OR52A5: variants seen among roughly 807,000 people sequenced by gnomAD.
OR52A5 encodes the protein olfactory receptor 52A5.
A neutral mutation model predicts 18.2 loss-of-function variants in OR52A5; 16 were observed. The observed-to-expected ratio is 0.88, with a 90% CI of 0.60 to 1.34. The LOEUF is 1.34. Among genes scored for constraint, OR52A5 ranks in the 40% most tolerant of loss-of-function variants. OR52A5 has a pLI of 0.00. For missense variants in OR52A5, 418 were observed against 383.0 expected (o/e 1.09, Z -0.76); for synonymous variants, 140 against 137.2 (o/e 1.02, Z -0.14).
chr11:5,134,843 A>G (rs1436583637), intron 1 of OR52A5, among the ~76,000 whole-genome samples: 1 of 152,006 alleles, frequency 6.6e-6, no homozygotes, highest in Non-Finnish European at 1.5e-5. Context: ...AAAGAACAAA[A>G]TATGCAAATT....
intron 1 of OR52A5, among the ~76,000 whole-genome samples, chr11:5,133,339 G>A (rs1308111802): frequency 8.0e-6 from 1 of 125,308 alleles, no homozygotes; most frequent in Non-Finnish European, 1.6e-5. Flanking sequence ...CTGCACTCCA[G>A]CCTGGACGAC....
intron 1 of OR52A5, among the ~76,000 whole-genome samples, chr11:5,136,932 T>A (rs1326940464): frequency 6.6e-6 from 1 of 152,232 alleles, no homozygotes; most frequent in African/African-American, 2.4e-5. Context: ...CTTTTAAAAA[T>A]TCTATCTGCT....
intron 1 of OR52A5, among the ~76,000 whole-genome samples, chr11:5,137,493 C>T (rs554020365): frequency 6.6e-6 from 1 of 151,974 alleles, no homozygotes; most frequent in Admixed American, 6.6e-5. Context: ...CTTCCCATGA[C>T]AGAAAACTCT....
At position 5,131,067 on chromosome 11, in the gene OR52A5, GTTTACTCTGTTCA is replaced by G. The variant is rs1846332305; in HGVS notation, c.*612_*624del. On this transcript the variant is annotated 3_prime_UTR_variant, in exon 2 of 2. Transcript: ENST00000307388. ...TACCATTAATTGACACAAAGAAAAT[GTTTACTCTGTTCA>G]TTATTCAATGTCATTTTTACTTAGA... The G allele has an allele frequency of 2.0e-5, 3 of 152,052 alleles. No homozygotes were observed. Among genetic ancestry groups the G allele is most frequent in the African/African-American group, 7.2e-5 (3 of 41,412 alleles). The allele number at this position is 152,052 out of a possible 1,614,324, so 9.4% of individuals were successfully genotyped here. A position where few individuals can be genotyped will look rare whatever the true frequency, so the allele number is the denominator to read the frequency against.
At chr11:5,137,053 G>C (rs117238315) in intron 1 of OR52A5, among the ~76,000 whole-genome samples, 2 of 152,190 alleles carry the variant, frequency 1.3e-5, no homozygotes, top group Non-Finnish European at 2.9e-5. Context: ...TGTGACAATA[G>C]TGAAGGATTA....
chr11:5,131,828 G>C lies in OR52A5; in HGVS notation c.815C>G (p.Pro272Arg). Residue 272 changes from proline (P) to arginine (R), a missense_variant, in exon 2 of 2, where the codon CCA becomes CGA. Physicochemically the swap from Pro to Arg is moderately radical, Grantham distance 103. Transcript: ENST00000307388. Reference sequence around the variant, plus strand: ...TGACAAGAGGATATGAATATATGGTGGTATGTGTGAACCAAACCTGTGTGT... The same window carrying C: ...TGACAAGAGGATATGAATATATGGTCGTATGTGTGAACCAAACCTGTGTGT... ...FFTHRFGSHI[P>R]PYIHILLSNL... is the part of the protein sequence containing the mutation. The C allele has an allele frequency of 6.2e-7, 1 of 1,613,898 alleles. No homozygotes were observed. Among genetic ancestry groups the C allele is most frequent in the Non-Finnish European group, 8.5e-7 (1 of 1,179,808 alleles).
intron 1 of OR52A5, chr11:5,138,094 AAT>A (rs1846408038): frequency 6.6e-6 from 1 of 152,210 alleles, no homozygotes; most frequent in Non-Finnish European, 1.5e-5. Flanking sequence ...CTCACTTTAA[AAT>A]ATGTCACCCA....
intron 1 of OR52A5, 22 bp from the exon 2 acceptor site, chr11:5,132,724 A>G (rs1564849618): frequency 6.0e-6 from 5 of 838,334 alleles, no homozygotes; most frequent in Non-Finnish European, 9.1e-6. Context: ...AAAAATTAAA[A>G]ATATGTTAAT....
chr11:5,132,872 C>T (rs1005680066), intron 1 of OR52A5, among the ~76,000 whole-genome samples, 170 bp from the exon 2 acceptor site: 1 of 152,116 alleles, frequency 6.6e-6, no homozygotes, highest in Non-Finnish European at 1.5e-5. Flanking sequence ...TTCTCCATGT[C>T]TTAATCATTT....
At chr11:5,136,849 A>G (rs1324278576) in intron 1 of OR52A5, among the ~76,000 whole-genome samples, 4 of 152,236 alleles carry the variant, frequency 2.6e-5, no homozygotes, top group African/African-American at 9.6e-5. Context: ...TGTAAAAGGG[A>G]AAGGATCAAA....
chr11:5,129,125 C>A lies in OR52A5; in HGVS notation c.*2567G>T, dbSNP rs1846312056. On this transcript the variant is annotated 3_prime_UTR_variant, in exon 2 of 2. Coordinates refer to ENST00000307388, the MANE Select transcript of OR52A5 (RefSeq NM_001005160.3). ...AGAGGATCATCAGCCACACAGCTAT[C>A]CCGGCACTCTGCTCCATTCATTTCC... The A allele has an allele frequency of 6.6e-6, 1 of 152,260 alleles. No homozygotes were observed. Among genetic ancestry groups the A allele is most frequent in the African/African-American group, 2.4e-5 (1 of 41,434 alleles). The allele number at this position is 152,260 out of a possible 1,614,324, so 9.4% of individuals were successfully genotyped here.
At position 5,131,609 on chromosome 11, in the gene OR52A5, T is replaced by C; in HGVS notation, c.*83A>G. The C allele has an allele frequency of 1.4e-6, 1 of 734,120 alleles. No individual in the cohort carries two copies. The highest frequency in any genetic ancestry group is 2.2e-6 in the Non-Finnish European group (1 of 445,022). 45.5% of individuals were successfully genotyped at this position (734,120 alleles called of 1,614,324 possible). On this transcript the variant is annotated 3_prime_UTR_variant, in exon 2 of 2. Coordinates refer to ENST00000307388, the MANE Select transcript of OR52A5 (RefSeq NM_001005160.3). ...TACAGGTATGTGTTGAGCTAGTAGT[T>C]TGAGAATATTGATCTGTGACTTTCA...
rs759506149 is a variant in OR52A5, at chr11:5,132,301, C to CGCGG, written c.341_342insCCGC (p.Gly115ArgfsTer70). The CGCGG allele has an allele frequency of 2.5e-6, 4 of 1,613,922 alleles. No homozygotes were observed. In the African/African-American group the frequency reaches 5.3e-5, roughly 22 times the overall value. On this transcript the variant is annotated frameshift_variant, in exon 2 of 2. Coordinates refer to ENST00000307388, the MANE Select transcript of OR52A5 (RefSeq NM_001005160.3). LOFTEE classifies it high-confidence loss of function. ...CCAGGGCCATTGCCAGAAGGATACC[C>CGCGG]GATTCAATTGCCTGGAATGAGTGAA...
intron 1 of OR52A5, 67 bp downstream of exon 1, chr11:5,138,244 T>C (rs1055432933): frequency 6.6e-6 from 1 of 152,224 alleles, no homozygotes; most frequent in African/African-American, 2.4e-5. Context: ...AGGAGACATA[T>C]GTCCTCTTTA....
chr11:5,134,122 C>T (rs961274631), intron 1 of OR52A5, among the ~76,000 whole-genome samples: 4 of 152,088 alleles, frequency 2.6e-5, no homozygotes, highest in African/African-American at 9.7e-5. Context: ...TTTTTATTGT[C>T]TGAATTAATC....
At chr11:5,133,366 A>G (rs1164337841) in intron 1 of OR52A5, among the ~76,000 whole-genome samples, 11 of 146,052 alleles carry the variant, frequency 7.5e-5, no homozygotes, top group Non-Finnish European at 1.5e-4. Flanking sequence ...AGACTGTCAA[A>G]AAAAAAAAAA....
rs1488792243 is a variant in OR52A5, at chr11:5,131,976, G to A, written c.667C>T (p.Gln223Ter). The change falls in exon 2 of 2, where the codon CAA becomes TAA. Residue 223 changes from glutamine (Q) to a stop codon, truncating the protein, a stop_gained. Transcript: ENST00000307388. LOFTEE classifies it high-confidence loss of function. ...AGCTGAAAGACAGTGATAAAAATTT[G>A]GACATAGGACAAGGTTATAAATATT... ...DIIFITLSYV[Q>*]IFITVFQLPQ... 2.5e-6 allele frequency: 4 copies of A among 1,614,016 alleles called. No homozygotes were observed. The Admixed American group carries it at 5.0e-5, about 20-fold the overall frequency.
At position 5,132,394 on chromosome 11, in the gene OR52A5, C is replaced by G; in HGVS notation, c.249G>C (p.Met83Ile). 2 of 1,614,188 alleles carry G rather than the reference C, an allele frequency of 1.2e-6. No individual in the cohort carries two copies. The highest frequency in any genetic ancestry group is 8.5e-7 in the Non-Finnish European group (1 of 1,180,030). The change falls in exon 2 of 2, where the codon ATG (methionine) becomes ATC (isoleucine). Residue 83 changes from methionine (M) to isoleucine (I), a missense_variant. Physicochemically the swap from Met to Ile is conservative, Grantham distance 10 (BLOSUM62 1). Coordinates refer to ENST00000307388, the MANE Select transcript of OR52A5 (RefSeq NM_001005160.3). The stretch of plus-strand genomic sequence containing the variant: ...GCAAATGAAACCAGAAGATGCCTAA[C>G]ATTTTGGGAAGAATGCAGGTGTTAA... ...IALNTCILPK[M>I]LGIFWFHLPE...
Position 5,131,465 on chromosome 11 carries a change from A to G in OR52A5, c.*227T>C, listed in dbSNP as rs950539825. 22 of 318,180 alleles carry G rather than the reference A, an allele frequency of 6.9e-5. No homozygotes were observed. The highest frequency in any genetic ancestry group is 3.8e-4 in the South Asian group (7 of 18,496). The allele number at this position is 318,180 out of a possible 1,614,324, so 19.7% of individuals were successfully genotyped here. Reference sequence around the variant, plus strand: ...TGTAGATATCGGTATTACTGATTTCATATTATTTTTATATTGATAAGTATT... The same window carrying G: ...TGTAGATATCGGTATTACTGATTTCGTATTATTTTTATATTGATAAGTATT... On this transcript the variant is annotated 3_prime_UTR_variant, in exon 2 of 2. Transcript: ENST00000307388.
Sources: allele counts gnomAD v4.1 joint callset (sites outside exome capture counted in the v4.1 genomes callset), GRCh38; gene constraint gnomAD v4.1.1; transcripts MANE v1.5; gene names NCBI Gene and HGNC (gene_info 2026-07-23, HGNC 2026-07-21).